Variants in OLA1 observed in about 807,000 individuals in gnomAD.
The protein encoded by OLA1 is obg-like ATPase 1.
OLA1 carries 14 observed loss-of-function variants against 48.4 expected under a neutral mutation model. The observed-to-expected ratio is 0.29, with a 90% CI of 0.19 to 0.45. The LOEUF is 0.45. Ranked by LOEUF, OLA1 falls within the 20% of genes least tolerant of loss-of-function variation. The pLI, the probability that OLA1 is intolerant of heterozygous loss-of-function variation, is 1.00. For missense variants in OLA1, 325 were observed against 467.1 expected (o/e 0.70, Z 2.80); for synonymous variants, 127 against 150.4 (o/e 0.84, Z 1.14).
At chr2:174,215,399 G>C (rs974548291) in intron 4 of OLA1, among the ~76,000 whole-genome samples, 1 of 152,104 alleles carries the variant, frequency 6.6e-6, no homozygotes, top group African/African-American at 2.4e-5. Context: ...AAATACTTCA[G>C]TTCATCCTTG....
At chr2:174,192,921 T>C (rs1353264739) in intron 4 of OLA1, among the ~76,000 whole-genome samples, 1 of 152,136 alleles carries the variant, frequency 6.6e-6, no homozygotes, top group Non-Finnish European at 1.5e-5. Flanking sequence ...AGAGATTTTC[T>C]TTTTACCTTT....
chr2:174,076,910 C>T (rs1684750994), intron 10 of OLA1, among the ~76,000 whole-genome samples: 1 of 151,728 alleles, frequency 6.6e-6, no homozygotes, highest in Non-Finnish European at 1.5e-5. Context: ...ATCTATAGCC[C>T]ACTGTTATAA....
intron 4 of OLA1, among the ~76,000 whole-genome samples, chr2:174,211,508 AATT>A (rs1256448055): frequency 3.3e-5 from 5 of 152,212 alleles, no homozygotes; most frequent in African/African-American, 9.6e-5. Flanking sequence ...AACTCTAGAA[AATT>A]ATATTTGAAT....
intron 5 of OLA1, among the ~76,000 whole-genome samples, chr2:174,135,905 T>C (rs1329520365): frequency 2.6e-5 from 4 of 152,260 alleles, no homozygotes; most frequent in Non-Finnish European, 4.4e-5. Context: ...TGAGTATCGC[T>C]ATAAAGCAAG....
At chr2:174,221,888 T>C (rs965435829) in intron 4 of OLA1, among the ~76,000 whole-genome samples, 2 of 152,156 alleles carry the variant, frequency 1.3e-5, no homozygotes, top group Non-Finnish European at 2.9e-5. Context: ...ATGTACAGGC[T>C]TTAGTTAAAA....
At chr2:174,123,927 A>G (rs1366396367) in intron 5 of OLA1, among the ~76,000 whole-genome samples, 1 of 152,190 alleles carries the variant, frequency 6.6e-6, no homozygotes, top group African/African-American at 2.4e-5. Flanking sequence ...ATGTCAAGAC[A>G]ATTCAATTAC....
At position 174,075,236 on chromosome 2, in the gene OLA1, A is replaced by C. The variant is rs1684703717; in HGVS notation, c.*190T>G. The C allele has an allele frequency of 4.1e-6, 2 of 489,666 alleles. No homozygotes were observed. The highest frequency in any genetic ancestry group is 3.7e-5 in the East Asian group (1 of 27,220). 30.3% of individuals were successfully genotyped at this position (489,666 alleles called of 1,614,324 possible). A position where few individuals can be genotyped will look rare whatever the true frequency, so the allele number is the denominator to read the frequency against. Reference sequence around the variant, plus strand: ...GTGAAAAGCAAAGCTGTTCACATTTAGTGAACCTGCATTTCATGGGGGGGG... The same window carrying C: ...GTGAAAAGCAAAGCTGTTCACATTTCGTGAACCTGCATTTCATGGGGGGGG... On this transcript the variant is annotated 3_prime_UTR_variant, in exon 11 of 11. Transcript: ENST00000284719.
At chr2:174,096,130 A>T (rs949080109) in intron 7 of OLA1, among the ~76,000 whole-genome samples, 1 of 152,232 alleles carries the variant, frequency 6.6e-6, no homozygotes, top group African/African-American at 2.4e-5. Context: ...GTACTGATAC[A>T]CACTACAACA....
chr2:174,167,409 C>G (rs1351066603), intron 4 of OLA1, among the ~76,000 whole-genome samples: 2 of 152,206 alleles, frequency 1.3e-5, no homozygotes, highest in Non-Finnish European at 2.9e-5. Context: ...AACCCTGTCT[C>G]TACTAAAAAT....
intron 4 of OLA1, among the ~76,000 whole-genome samples, chr2:174,184,064 T>C (rs1391515926): frequency 6.6e-6 from 1 of 152,232 alleles, no homozygotes; most frequent in Non-Finnish European, 1.5e-5. Flanking sequence ...CAGCTGTCCA[T>C]AGGATGAAAA....
At chr2:174,244,711 C>A (rs867787346) in intron 2 of OLA1, among the ~76,000 whole-genome samples, 6 of 151,926 alleles carry the variant, frequency 3.9e-5, no homozygotes, top group Non-Finnish European at 8.8e-5. Context: ...GCAACCTCCA[C>A]CCCCCGGGCT....
At chr2:174,217,698 C>G (rs1285181397) in intron 4 of OLA1, among the ~76,000 whole-genome samples, 1 of 152,194 alleles carries the variant, frequency 6.6e-6, no homozygotes, top group Admixed American at 6.5e-5. Context: ...TCTCTCTGCC[C>G]CTCCCCCAGG....
intron 4 of OLA1, among the ~76,000 whole-genome samples, chr2:174,173,736 A>G (rs190938507): frequency 1.5e-3 from 233 of 152,172 alleles, no homozygotes; most frequent in Middle Eastern, 0.01. Flanking sequence ...AAAGCTCAAT[A>G]AAATTGATAA....
At chr2:174,221,540 T>C (rs1466256736) in intron 4 of OLA1, among the ~76,000 whole-genome samples, 1 of 152,134 alleles carries the variant, frequency 6.6e-6, no homozygotes, top group East Asian at 1.9e-4. Flanking sequence ...TAAGTTCTTT[T>C]CCACCCATCA....
chr2:174,140,788 GC>G (rs1686428879), intron 5 of OLA1, among the ~76,000 whole-genome samples: 1 of 152,136 alleles, frequency 6.6e-6, no homozygotes, highest in Non-Finnish European at 1.5e-5. Flanking sequence ...CCTAGGAGTA[GC>G]CCATAGCCAG....
At chr2:174,230,149 A>T (rs922568729) in intron 2 of OLA1, among the ~76,000 whole-genome samples, 5 of 152,186 alleles carry the variant, frequency 3.3e-5, no homozygotes, top group South Asian at 2.1e-4. Flanking sequence ...TAACATTTTT[A>T]AAAAATGTGA....
chr2:174,165,718 A>C (rs1558985605), intron 4 of OLA1, among the ~76,000 whole-genome samples: 1 of 152,258 alleles, frequency 6.6e-6, no homozygotes, highest in Non-Finnish European at 1.5e-5. Context: ...GGACCGGATT[A>C]GCTTATCAAA....
chr2:174,081,848 C>G, intron 8 of OLA1, 76 bp downstream of exon 8: 1 of 1,355,696 alleles, frequency 7.4e-7, no homozygotes, highest in East Asian at 2.3e-5. Context: ...ATTTATTATT[C>G]TATCAGCGCA....
At chr2:174,164,873 A>ATT (rs1191500330) in intron 4 of OLA1, among the ~76,000 whole-genome samples, 2 of 152,214 alleles carry the variant, frequency 1.3e-5, no homozygotes, top group African/African-American at 2.4e-5. Context: ...AAATTTCAAA[A>ATT]TTTATTGCAA....
Sources: gnomAD v4.1 joint callset for allele counts (sites outside exome capture counted in the v4.1 genomes callset) on GRCh38, gnomAD v4.1.1 for gene constraint, MANE v1.5 for transcripts, NCBI Gene and HGNC (gene_info 2026-07-23, HGNC 2026-07-21) for gene names.